CAPN13: variants seen among roughly 807,000 people sequenced by gnomAD.
The protein encoded by CAPN13 is calpain 13, also known as calpain-13.
In CAPN13, 90 loss-of-function variants were observed where a neutral mutation model predicts 98.4. That is an observed-to-expected ratio of 0.92 (90% CI 0.77 to 1.09). CAPN13 has a LOEUF of 1.09. Among genes scored for constraint, CAPN13 ranks in the 50% least tolerant of loss-of-function variants. CAPN13 has a pLI of 0.00. For synonymous variants in CAPN13, 330 were observed against 305.5 expected, an observed-to-expected ratio of 1.08 and a Z score of -0.84; for missense variants, 887 against 841.3, an observed-to-expected ratio of 1.05 and a Z score of -0.67.
intron 4 of CAPN13, among the ~76,000 whole-genome samples, chr2:30,771,920 TGA>T (rs1277239947): frequency 1.3e-5 from 2 of 152,228 alleles, no homozygotes; most frequent in African/African-American, 4.8e-5. Context: ...ATTGTAGTTA[TGA>T]GAGTAGAGAC....
intron 1 of CAPN13, among the ~76,000 whole-genome samples, chr2:30,805,308 G>T (rs1297378813): frequency 6.6e-6 from 1 of 152,144 alleles, no homozygotes; most frequent in Non-Finnish European, 1.5e-5. Context: ...TGGCCAAGTG[G>T]CTGGTCATGT....
At chr2:30,733,589 C>A (rs942729203) in intron 19 of CAPN13, among the ~76,000 whole-genome samples, 2 of 152,012 alleles carry the variant, frequency 1.3e-5, no homozygotes, top group African/African-American at 4.8e-5. Flanking sequence ...ACCCACACCC[C>A]CTGATCAGAG....
chr2:30,726,913 G>T (rs1558602689), intron 22 of CAPN13, among the ~76,000 whole-genome samples: 1 of 152,080 alleles, frequency 6.6e-6, no homozygotes, highest in African/African-American at 2.4e-5. Flanking sequence ...GTAAAATAAA[G>T]TTGGAAAACT....
chr2:30,745,934 T>A (rs1180800974), intron 11 of CAPN13, among the ~76,000 whole-genome samples, 200 bp from the exon 12 acceptor site: 1 of 134,150 alleles, frequency 7.5e-6, no homozygotes, highest in Non-Finnish European at 1.5e-5. Flanking sequence ...GGAGTCTCGC[T>A]CTGTCACCCA....
At chr2:30,739,953 G>A (rs1412114762) in intron 15 of CAPN13, among the ~76,000 whole-genome samples, 1 of 152,168 alleles carries the variant, frequency 6.6e-6, no homozygotes, top group African/African-American at 2.4e-5. Context: ...GCTACTTGGT[G>A]GATAGACCTA....
intron 10 of CAPN13, among the ~76,000 whole-genome samples, chr2:30,751,519 AATG>A (rs1672176382): frequency 6.6e-6 from 1 of 152,244 alleles, no homozygotes; most frequent in Non-Finnish European, 1.5e-5. Context: ...TCTATTTTAT[AATG>A]ATAAGTGAAA....
chr2:30,787,621 A>G (rs146675299), intron 1 of CAPN13, among the ~76,000 whole-genome samples: 94 of 152,278 alleles, frequency 6.2e-4, no homozygotes, highest in Non-Finnish European at 1.2e-3. Flanking sequence ...AGTACATCTC[A>G]TGAACATTTA....
At chr2:30,749,750 G>T (rs7594835) in intron 11 of CAPN13, among the ~76,000 whole-genome samples, 2,399 of 124,416 alleles carry the variant, frequency 0.019, 59 homozygotes, top group African/African-American at 0.081. Flanking sequence ...GAGGAGAGAG[G>T]ATCCCAGCGT....
chr2:30,783,919 G>T (rs1674123527), intron 2 of CAPN13, among the ~76,000 whole-genome samples: 2 of 152,114 alleles, frequency 1.3e-5, no homozygotes, highest in Admixed American at 6.6e-5. Flanking sequence ...GGTGTCTCAT[G>T]CCTGTAATCC....
In CAPN13 at chr2:30,730,722, T is replaced by C. The variant is rs748932423; in HGVS notation, c.*30+8A>G. On this transcript the variant is annotated splice_region_variant and intron_variant, in intron 22 of 22. Transcript: ENST00000295055. ...GGAGGGAAAGACTCCAAAGCTACCA[T>C]GTCTTACCTGAGCCATGGGTCTGCT... 2 of 780,736 alleles carry C rather than the reference T, an allele frequency of 2.6e-6. No homozygotes were observed. Among genetic ancestry groups the C allele is most frequent in the South Asian group, 1.3e-5 (1 of 74,588 alleles). 48.4% of individuals were successfully genotyped at this position (780,736 alleles called of 1,614,324 possible). A position where few individuals can be genotyped will look rare whatever the true frequency, so the allele number is the denominator to read the frequency against.
chr2:30,763,373 G>A (rs1194934734), intron 6 of CAPN13, among the ~76,000 whole-genome samples: 2 of 152,234 alleles, frequency 1.3e-5, no homozygotes, highest in Non-Finnish European at 2.9e-5. Context: ...ACCCCCATGA[G>A]TGATAGAACC....
At chr2:30,741,392 T>A in intron 15 of CAPN13, 1 of 987,614 alleles carries the variant, frequency 1.0e-6, no homozygotes, top group African/African-American at 1.7e-5. Flanking sequence ...AAGAGGCTCA[T>A]TGTGCAGAGC....
At chr2:30,790,343 G>T (rs937460599) in intron 1 of CAPN13, among the ~76,000 whole-genome samples, 2 of 152,222 alleles carry the variant, frequency 1.3e-5, no homozygotes, top group African/African-American at 4.8e-5. Flanking sequence ...GGAAAAAAAA[G>T]ATTGCTGAAA....
rs763926063 is a variant in CAPN13 at position 30,753,059 on chromosome 2, T to C, written c.1081A>G (p.Thr361Ala). ...MFRKQVILGN[T>A]AGGPRNDAQF... ...CCACCAGCGTCATGATTACCTGCAG[T>C]GTTTCCTAGAATCACTTGCTTCCTA... is the stretch of plus-strand genomic sequence containing the variant. Residue 361 changes from threonine to alanine, a missense_variant, in exon 10 of 23, where the codon ACT (threonine) becomes GCT (alanine). Thr to Ala is a moderately conservative substitution (Grantham distance 58, BLOSUM62 0). Transcript: ENST00000295055. 5.0e-6 allele frequency: 8 copies of C among 1,613,822 alleles called. No homozygotes were observed. Among genetic ancestry groups the C allele is most frequent in the Non-Finnish European group, 6.8e-6 (8 of 1,179,852 alleles).
chr2:30,772,822 CTTT>C (rs34192316), intron 4 of CAPN13, among the ~76,000 whole-genome samples: 10 of 137,632 alleles, frequency 7.3e-5, no homozygotes, highest in Non-Finnish European at 9.5e-5. Flanking sequence ...GAGAGCATTT[CTTT>C]TTTTTTTTTT....
chr2:30,746,186 T>G lies in CAPN13; in HGVS notation c.1237-452A>C, dbSNP rs181641239. On this transcript the variant is annotated intron_variant, in intron 11 of 22. Transcript: ENST00000295055. ...TCCTGGGGTTATAGGCGTGAACCAC[T>G]GTGCCTGGCCACCACAAAGGATGTT... 2.8e-3 allele frequency among the ~76,000 whole-genome samples: 421 copies of G among 152,298 alleles called. 1 individual carries two copies. The Middle Eastern group carries it at 0.034, about 12-fold the overall frequency.
At chr2:30,754,501 G>A in intron 8 of CAPN13, 137 bp from the exon 9 acceptor site, 1 of 597,096 alleles carries the variant, frequency 1.7e-6, no homozygotes, top group Non-Finnish European at 2.7e-6. Context: ...ACCTAGGACA[G>A]GACCCAGTTA....
chr2:30,755,873 A>C (rs955938040), intron 8 of CAPN13, among the ~76,000 whole-genome samples: 11 of 147,278 alleles, frequency 7.5e-5, no homozygotes, highest in African/African-American at 2.8e-4. Context: ...TGATTCATGC[A>C]AGTTTGCCTT....
At chr2:30,759,134 C>T (rs1272534054) in intron 7 of CAPN13, among the ~76,000 whole-genome samples, 1 of 52,600 alleles carries the variant, frequency 1.9e-5, no homozygotes, top group Non-Finnish European at 3.9e-5. Context: ...TCTCTTCCTT[C>T]CTCCCTCTTC....
Sources: allele counts gnomAD v4.1 joint callset (sites outside exome capture counted in the v4.1 genomes callset), GRCh38; gene constraint gnomAD v4.1.1; transcripts MANE v1.5; gene names NCBI Gene and HGNC (gene_info 2026-07-23, HGNC 2026-07-21).